Variants in LRMDA observed in about 807,000 individuals in gnomAD.
LRMDA encodes the protein leucine-rich melanocyte differentiation-associated protein.
In LRMDA, 18 loss-of-function variants were observed where a neutral mutation model predicts 29.8. The observed-to-expected ratio is 0.60, with a 90% CI of 0.42 to 0.90. LRMDA has a LOEUF of 0.90. LRMDA is among the 40% of genes least tolerant of loss of function. The probability of loss-of-function intolerance (pLI) is 0.00; values close to 1 mark genes in which losing one functional copy is unlikely to be tolerated. For missense variants in LRMDA, 273 were observed against 273.9 expected, an observed-to-expected ratio of 1.00 and a Z score of 0.02; for synonymous variants, 125 against 109.4, an observed-to-expected ratio of 1.14 and a Z score of -0.89.
intron 2 of LRMDA, among the ~76,000 whole-genome samples, chr10:75,823,769 C>T (rs1844205395): frequency 6.6e-6 from 1 of 151,620 alleles, no homozygotes; most frequent in Non-Finnish European, 1.5e-5. Flanking sequence ...CACACACACA[C>T]ACATACACAC....
intron 2 of LRMDA, among the ~76,000 whole-genome samples, chr10:75,899,837 C>T (rs1445526523): frequency 6.6e-6 from 1 of 152,178 alleles, no homozygotes; most frequent in Non-Finnish European, 1.5e-5. Flanking sequence ...TGTTCAACTC[C>T]CTTGCAGGAA....
At chr10:75,991,197 A>G (rs1589279375) in intron 2 of LRMDA, among the ~76,000 whole-genome samples, 1 of 152,190 alleles carries the variant, frequency 6.6e-6, no homozygotes, top group African/African-American at 2.4e-5. Context: ...ATAGAGATAC[A>G]TGTATTTTTG....
chr10:75,617,509 C>T (rs529903655), intron 2 of LRMDA, among the ~76,000 whole-genome samples: 2 of 152,284 alleles, frequency 1.3e-5, no homozygotes, highest in African/African-American at 4.8e-5. Context: ...TTTTATTATG[C>T]TGCTCTCCTT....
chr10:75,784,929 A>G (rs1355965147), intron 2 of LRMDA, among the ~76,000 whole-genome samples: 1 of 152,168 alleles, frequency 6.6e-6, no homozygotes, highest in Non-Finnish European at 1.5e-5. Flanking sequence ...CTTCGGGTAA[A>G]TAGCCTTTAC....
chr10:76,283,080 T>G (rs1053981955), intron 5 of LRMDA, among the ~76,000 whole-genome samples: 1 of 152,342 alleles, frequency 6.6e-6, no homozygotes, highest in African/African-American at 2.4e-5. Flanking sequence ...GAACCTCAAC[T>G]TCAAGGTTGC....
intron 2 of LRMDA, among the ~76,000 whole-genome samples, chr10:75,621,215 CACACACACA>C (rs1841179507): frequency 2.3e-5 from 3 of 129,328 alleles, no homozygotes; most frequent in Non-Finnish European, 5.2e-5. Context: ...CACACACACA[CACACACACA>C]CCCACACACC....
chr10:76,240,901 C>T (rs1312915), intron 5 of LRMDA, among the ~76,000 whole-genome samples: 90,031 of 150,466 alleles, frequency 0.6, 26,932 homozygotes, highest in Middle Eastern at 0.66. Context: ...CACATACATA[C>T]ACACACACCC....
chr10:75,792,754 G>C lies in LRMDA; in HGVS notation c.132-243254G>C, dbSNP rs530057245. On this transcript the variant is annotated intron_variant, in intron 2 of 6. Coordinates refer to ENST00000611255, the MANE Select transcript of LRMDA (RefSeq NM_001305581.2). ...AATTAATTAATGTTCATATGCCTCT[G>C]TGTCCTTATCCACAAAAGAAAAAAT... Among the ~76,000 whole-genome samples, 40 of 152,286 alleles carry C rather than the reference G, an allele frequency of 2.6e-4. No homozygotes were observed. The South Asian group carries it at 7.9e-3, about 30-fold the overall frequency.
At chr10:76,534,811 A>T (rs537441058) in intron 6 of LRMDA, among the ~76,000 whole-genome samples, 2 of 152,308 alleles carry the variant, frequency 1.3e-5, no homozygotes, top group African/African-American at 4.8e-5. Flanking sequence ...ACTGGATCTC[A>T]CATAAGTCAT....
intron 2 of LRMDA, among the ~76,000 whole-genome samples, chr10:75,748,087 T>C (rs1226202460): frequency 1.3e-5 from 2 of 151,910 alleles, no homozygotes; most frequent in African/African-American, 2.4e-5. Context: ...AGGCTTTTAT[T>C]GTTGTTTAGC....
chr10:75,582,550 C>T (rs994698327), intron 2 of LRMDA, among the ~76,000 whole-genome samples: 2 of 152,200 alleles, frequency 1.3e-5, no homozygotes, highest in Admixed American at 1.3e-4. Context: ...GCATGGCCCA[C>T]GAAACTATTC....
At chr10:76,403,242 A>C (rs986579786) in intron 6 of LRMDA, 3 of 151,792 alleles carry the variant, frequency 2.0e-5, no homozygotes, top group African/African-American at 4.8e-5. Context: ...AAATGTTGGC[A>C]TGTGGATAGA....
intron 2 of LRMDA, among the ~76,000 whole-genome samples, chr10:75,806,469 G>T (rs562002433): frequency 6.6e-6 from 1 of 152,268 alleles, no homozygotes; most frequent in South Asian, 2.1e-4. Context: ...AAGGACCTTT[G>T]AACATTCTGA....
chr10:76,231,782 G>A (rs1852063657), intron 5 of LRMDA, among the ~76,000 whole-genome samples: 2 of 152,314 alleles, frequency 1.3e-5, no homozygotes, highest in African/African-American at 4.8e-5. Context: ...GACAGAAACA[G>A]TTTGTAGGAG....
chr10:76,498,817 TC>T, intron 6 of LRMDA, among the ~76,000 whole-genome samples: 1 of 75,508 alleles, frequency 1.3e-5, no homozygotes, highest in East Asian at 2.5e-4. Flanking sequence ...CTGAAATGGG[TC>T]TTCTTTTGAC....
chr10:75,813,892 G>C (rs763545176), intron 2 of LRMDA, among the ~76,000 whole-genome samples: 1 of 152,302 alleles, frequency 6.6e-6, no homozygotes, highest in African/African-American at 2.4e-5. Flanking sequence ...AAAAATCTCT[G>C]CTGGGTCAAA....
chr10:76,419,573 G>A (rs1177273858), intron 6 of LRMDA, among the ~76,000 whole-genome samples: 3 of 152,054 alleles, frequency 2.0e-5, no homozygotes, highest in Non-Finnish European at 4.4e-5. Flanking sequence ...CAATTCATTG[G>A]GTGAATACCA....
At chr10:75,563,604 C>T (rs1840329567) in intron 2 of LRMDA, among the ~76,000 whole-genome samples, 4 of 152,272 alleles carry the variant, frequency 2.6e-5, no homozygotes, top group Admixed American at 6.5e-5. Context: ...AGGAGAGGCG[C>T]TCTGCTTTTT....
intron 2 of LRMDA, among the ~76,000 whole-genome samples, chr10:75,875,806 C>T (rs1162315841): frequency 6.6e-6 from 1 of 152,162 alleles, no homozygotes; most frequent in African/African-American, 2.4e-5. Flanking sequence ...AGATATGAGG[C>T]CTGATTGGAA....
Sources: allele counts gnomAD v4.1 joint callset (sites outside exome capture counted in the v4.1 genomes callset), GRCh38; gene constraint gnomAD v4.1.1; transcripts MANE v1.5; gene names NCBI Gene and HGNC (gene_info 2026-07-23, HGNC 2026-07-21).